The following PLCXD3 variants were observed in gnomAD, a reference collection of about 807,000 sequenced individuals.
The protein encoded by PLCXD3 is phosphatidylinositol specific phospholipase C X domain containing 3.
In PLCXD3, 19 loss-of-function variants were observed where a neutral mutation model predicts 25.5. The observed-to-expected ratio is 0.75, with a 90% CI of 0.52 to 1.09. The LOEUF (loss-of-function observed/expected upper bound fraction) is 1.09, where lower values mean the gene tolerates loss of function less well. Among genes scored for constraint, PLCXD3 ranks in the 50% least tolerant of loss-of-function variants. The pLI is 0.00. For synonymous variants in PLCXD3, 174 were observed against 137.6 expected (o/e 1.26, Z -1.85); for missense variants, 411 against 388.1 (o/e 1.06, Z -0.50).
chr5:41,376,569 T>A (rs1422031382), intron 2 of PLCXD3, among the ~76,000 whole-genome samples: 1 of 152,076 alleles, frequency 6.6e-6, no homozygotes, highest in East Asian at 1.9e-4. Flanking sequence ...GTCCTCAAGA[T>A]TTCCTACCTC....
intron 1 of PLCXD3, among the ~76,000 whole-genome samples, chr5:41,437,408 A>G (rs1747279706): frequency 6.6e-6 from 1 of 152,124 alleles, no homozygotes. Flanking sequence ...TTAAGTATTT[A>G]CAAAGACTAT....
At chr5:41,495,682 T>C (rs956751850) in intron 1 of PLCXD3, among the ~76,000 whole-genome samples, 9 of 152,202 alleles carry the variant, frequency 5.9e-5, no homozygotes, top group Middle Eastern at 3.2e-3. Flanking sequence ...GAAATCTATA[T>C]GCACAGGCCT....
At chr5:41,384,033 A>G (rs1373000660) in intron 1 of PLCXD3, among the ~76,000 whole-genome samples, 1 of 152,144 alleles carries the variant, frequency 6.6e-6, no homozygotes, top group Non-Finnish European at 1.5e-5. Flanking sequence ...TTTGTAAAAT[A>G]TTTTGATACC....
chr5:41,410,296 C>T (rs1025485420), intron 1 of PLCXD3, among the ~76,000 whole-genome samples: 3 of 151,738 alleles, frequency 2.0e-5, no homozygotes, highest in Admixed American at 6.6e-5. Context: ...TGCGCCCCCA[C>T]GCCTGGCTAA....
At chr5:41,417,374 GC>G (rs1315694696) in intron 1 of PLCXD3, among the ~76,000 whole-genome samples, 1 of 152,188 alleles carries the variant, frequency 6.6e-6, no homozygotes, top group East Asian at 1.9e-4. Flanking sequence ...TTTTGGGTCA[GC>G]CTCCTCCTTT....
intron 1 of PLCXD3, among the ~76,000 whole-genome samples, chr5:41,480,976 T>C (rs1418065391): frequency 6.6e-6 from 1 of 151,918 alleles, no homozygotes; most frequent in African/African-American, 2.4e-5. Context: ...AGCATTAAAG[T>C]ATACTAACAC....
chr5:41,499,062 T>G (rs1368910544), intron 1 of PLCXD3, among the ~76,000 whole-genome samples: 1 of 151,430 alleles, frequency 6.6e-6, no homozygotes, highest in Non-Finnish European at 1.5e-5. Context: ...AGTGAAAGTT[T>G]AAGGCTTTCC....
chr5:41,411,928 CTCCATATATATGTATCCATATATATGTA>C (rs1327318803), intron 1 of PLCXD3, among the ~76,000 whole-genome samples: 50 of 3,462 alleles, frequency 0.014, 7 homozygotes, highest in African/African-American at 0.084. Context: ...ATATATATAT[CTCCATATATATGTATCCATATATATGTA>C]TCCATATATA....
intron 1 of PLCXD3, among the ~76,000 whole-genome samples, chr5:41,438,802 G>GA (rs35050344): frequency 0.02 from 2,740 of 133,694 alleles, 71 homozygotes; most frequent in African/African-American, 0.072. Context: ...CTGTCATTAG[G>GA]AAAAAAAAAA....
intron 1 of PLCXD3, among the ~76,000 whole-genome samples, chr5:41,411,002 A>C (rs901355222): frequency 3.9e-5 from 6 of 152,196 alleles, no homozygotes; most frequent in Non-Finnish European, 7.4e-5. Context: ...GTGGGAAGAC[A>C]GAACACATAG....
chr5:41,379,348 C>T (rs773734408), intron 2 of PLCXD3, among the ~76,000 whole-genome samples: 42 of 152,016 alleles, frequency 2.8e-4, no homozygotes, highest in African/African-American at 4.1e-4. Flanking sequence ...GAAAAAATAA[C>T]GTTTGTAGAA....
intron 2 of PLCXD3, among the ~76,000 whole-genome samples, chr5:41,344,628 C>A (rs115750915): frequency 0.03 from 4,489 of 152,042 alleles, 122 homozygotes; most frequent in Middle Eastern, 0.065. Flanking sequence ...TGACTGACAT[C>A]AGTTAACAGA....
intron 2 of PLCXD3, among the ~76,000 whole-genome samples, chr5:41,375,139 G>C (rs1360463984): frequency 6.8e-6 from 1 of 147,238 alleles, no homozygotes; most frequent in African/African-American, 2.5e-5. Context: ...TCATGATGCA[G>C]AGAGAGATAA....
intron 2 of PLCXD3, among the ~76,000 whole-genome samples, chr5:41,340,824 A>G (rs1461778556): frequency 6.6e-6 from 1 of 152,204 alleles, no homozygotes; most frequent in Non-Finnish European, 1.5e-5. Flanking sequence ...TCCCACTGGA[A>G]GTCATTAAGT....
chr5:41,372,085 C>T (rs965402737), intron 2 of PLCXD3, among the ~76,000 whole-genome samples: 1 of 151,976 alleles, frequency 6.6e-6, no homozygotes, highest in Non-Finnish European at 1.5e-5. Flanking sequence ...CCCCCATCGA[C>T]CTACCTCCTT....
At chr5:41,446,244 G>A (rs1157717365) in intron 1 of PLCXD3, among the ~76,000 whole-genome samples, 1 of 148,402 alleles carries the variant, frequency 6.7e-6, no homozygotes, top group African/African-American at 2.4e-5. Context: ...GGTGGGGCAG[G>A]GGCAGATAAG....
At chr5:41,482,372 G>A (rs887762843) in intron 1 of PLCXD3, among the ~76,000 whole-genome samples, 4 of 152,148 alleles carry the variant, frequency 2.6e-5, no homozygotes, top group African/African-American at 4.8e-5. Context: ...TTGTAGTCAC[G>A]TGTCTGGGCC....
rs559253437 is a variant in PLCXD3, at chr5:41,310,747, C to T, written c.*2870G>A. On this transcript the variant is annotated 3_prime_UTR_variant, in exon 3 of 3. Coordinates refer to ENST00000377801, the MANE Select transcript of PLCXD3 (RefSeq NM_001005473.3). The stretch of plus-strand genomic sequence containing the variant: ...CCCTCTAGCTGGAGGACCCATGGTT[C>T]CCTTCTACCTCTTCCCTCCTTTATA... The T allele has an allele frequency of 1.3e-5, 2 of 152,700 alleles. No homozygotes were observed. Among genetic ancestry groups the T allele is most frequent in the Admixed American group, 6.5e-5 (1 of 15,286 alleles). 9.5% of individuals were successfully genotyped at this position (152,700 alleles called of 1,614,324 possible). A position where few individuals can be genotyped will look rare whatever the true frequency, so the allele number is the denominator to read the frequency against.
chr5:41,410,302 G>T (rs920112278), intron 1 of PLCXD3, among the ~76,000 whole-genome samples: 1 of 151,512 alleles, frequency 6.6e-6, no homozygotes, highest in Non-Finnish European at 1.5e-5. Context: ...CCCACGCCTG[G>T]CTAATTTTTT....
Sources: allele counts gnomAD v4.1 joint callset (sites outside exome capture counted in the v4.1 genomes callset), GRCh38; gene constraint gnomAD v4.1.1; transcripts MANE v1.5; gene names NCBI Gene and HGNC (gene_info 2026-07-23, HGNC 2026-07-21).